Variants in MYCN observed in about 807,000 individuals in gnomAD.
MYCN encodes N-myc proto-oncogene protein.
MYCN carries 3 observed loss-of-function variants against 28.1 expected under a neutral mutation model. The ratio of observed to expected loss-of-function variants is 0.11; its 90% CI spans 0.05 to 0.28. The LOEUF (loss-of-function observed/expected upper bound fraction) is 0.28, where lower values mean the gene tolerates loss of function less well. Among genes scored for constraint, MYCN ranks in the 10% least tolerant of loss-of-function variants. The probability of loss-of-function intolerance (pLI) is 1.00; values close to 1 mark genes in which losing one functional copy is unlikely to be tolerated. For missense variants in MYCN, 572 were observed against 651.4 expected, an observed-to-expected ratio of 0.88 and a Z score of 1.33; for synonymous variants, 326 against 288.3, an observed-to-expected ratio of 1.13 and a Z score of -1.32.
intron 2 of MYCN, among the ~76,000 whole-genome samples, chr2:15,944,304 G>A (rs1043506287): frequency 6.6e-6 from 1 of 152,154 alleles, no homozygotes; most frequent in Non-Finnish European, 1.5e-5. Flanking sequence ...ACCCCAGCGT[G>A]GTAGTCAATG....
In MYCN at chr2:15,946,358, C is replaced by T. The variant is rs1662874348; in HGVS notation, c.*261C>T. The T allele has an allele frequency of 1.9e-6, 1 of 537,286 alleles. No individual in the cohort carries two copies. Among genetic ancestry groups the T allele is most frequent in the African/African-American group, 1.9e-5 (1 of 52,988 alleles). 33.3% of individuals were successfully genotyped at this position (537,286 alleles called of 1,614,324 possible). A position where few individuals can be genotyped will look rare whatever the true frequency, so the allele number is the denominator to read the frequency against. Reference sequence around the variant, plus strand: ...CTAAACGTTGGTGACGGTTGGGAGCCTCTGGGGCTGTTGAAGTCACCTTGT... The same window carrying T: ...CTAAACGTTGGTGACGGTTGGGAGCTTCTGGGGCTGTTGAAGTCACCTTGT... On this transcript the variant is annotated 3_prime_UTR_variant, in exon 3 of 3. Transcript: ENST00000281043.
At position 15,941,981 on chromosome 2, in the gene MYCN, G is replaced by A. The variant is rs981068491; in HGVS notation, c.-84G>A. The A allele has an allele frequency of 1.9e-6, 3 of 1,553,582 alleles. 1 individual carries two copies. The highest frequency in any genetic ancestry group is 2.6e-6 in the Non-Finnish European group (3 of 1,141,544). ...GTCGGCGCCGGCCCCCGCCTTCCGC[G>A]CCCCCCACGGGAAGGAAGCACCCCC... On this transcript the variant is annotated 5_prime_UTR_variant, in exon 2 of 3. Coordinates refer to ENST00000281043, the MANE Select transcript of MYCN (RefSeq NM_005378.6). This position sits in a 1 kb window ranked among gnomAD's most constrained non-coding sequence, Gnocchi z 4.8.
In MYCN at chr2:15,941,547, G is replaced by C. The variant is rs1572216038; in HGVS notation, c.-117-401G>C. 5.0e-6 allele frequency: 1 copy of C among 198,380 alleles called. No homozygotes were observed. Among genetic ancestry groups the C allele is most frequent in the South Asian group, 1.3e-4 (1 of 7,770 alleles). The allele number at this position is 198,380 out of a possible 1,614,324, so 12.3% of individuals were successfully genotyped here. On this transcript the variant is annotated intron_variant, in intron 1 of 2. Transcript: ENST00000281043. This position sits in a 1 kb window ranked among gnomAD's most constrained non-coding sequence, Gnocchi z 4.8. ...CTCCAAATACCATTCCCGGTAGCTG[G>C]GTCGGAGAGCCTGGGGCTTCCCCTG...
intron 2 of MYCN, among the ~76,000 whole-genome samples, chr2:15,944,701 A>G (rs557453685): frequency 6.6e-6 from 1 of 152,326 alleles, no homozygotes; most frequent in African/African-American, 2.4e-5. Context: ...TTTACTGAGC[A>G]TCTGTCTACT....
chr2:15,942,061 G>T lies in MYCN; in HGVS notation c.-4G>T, dbSNP rs534034023. ...CCCTCAGTCGCCGGCCGGGAGGCGA[G>T]CCGATGCCGAGCTGCTCCACGTCCA... On this transcript the variant is annotated 5_prime_UTR_variant, in exon 2 of 3. Coordinates refer to ENST00000281043, the MANE Select transcript of MYCN (RefSeq NM_005378.6). This position sits in a 1 kb window ranked among gnomAD's most constrained non-coding sequence, Gnocchi z 7.0. 1.9e-6 allele frequency: 3 copies of T among 1,613,524 alleles called. No homozygotes were observed. Among genetic ancestry groups the T allele is most frequent in the East Asian group, 4.5e-5 (2 of 44,862 alleles).
rs1662881655 is a variant in MYCN, at chr2:15,946,645, G to A, written c.*548G>A. 1 of 268,866 alleles carries A rather than the reference G, an allele frequency of 3.7e-6. No individual in the cohort carries two copies. The highest frequency in any genetic ancestry group is 4.7e-5 in the Admixed American group (1 of 21,294). The allele number at this position is 268,866 out of a possible 1,614,324, so 16.7% of individuals were successfully genotyped here. A position where few individuals can be genotyped will look rare whatever the true frequency, so the allele number is the denominator to read the frequency against. On this transcript the variant is annotated 3_prime_UTR_variant, in exon 3 of 3. Transcript: ENST00000281043. ...AGCATGTTTTGTATACAAATATATT[G>A]TTAATCTCTGTTATGTACTGTACTA...
Position 15,945,591 on chromosome 2 carries a change from T to C in MYCN, c.889T>C (p.Phe297Leu). 1 of 1,614,106 alleles carries C rather than the reference T, an allele frequency of 6.2e-7. No homozygotes were observed. Among genetic ancestry groups the C allele is most frequent in the Non-Finnish European group, 8.5e-7 (1 of 1,180,012 alleles). ...CTCCAACACCAAGGCTGTCACCACA[T>C]TCACCATCACTGTGCGTCCCAAGAA... is the stretch of plus-strand genomic sequence containing the variant. ...SSSNTKAVTT[F>L]TITVRPKNAA... is the part of the protein sequence containing the mutation. Residue 297 changes from phenylalanine to leucine, a missense_variant, in exon 3 of 3, where the codon TTC (phenylalanine) becomes CTC (leucine). Around this residue, in one of 3 missense-constraint regions of MYCN, gnomAD observed 499 missense variants for 524.3 expected, o/e 0.95. Transcript: ENST00000281043. The surrounding 1 kb of genome is among the most constrained non-coding windows in gnomAD (Gnocchi z 4.8).
Position 15,942,511 on chromosome 2 carries a change from C to G in MYCN, c.447C>G (p.Ser149=), listed in dbSNP as rs751900208. The change falls in exon 2 of 3, where the codon TCC becomes TCG. Residue 149 remains serine, a synonymous_variant. Transcript: ENST00000281043. The surrounding 1 kb of genome is among the most constrained non-coding windows in gnomAD (Gnocchi z 7.0). ...CAACCGCCGGTTCCACCGCCCAGTCCCCGGGAGCCGGCGCCGCCAGCCCTG... is the reference window on the plus strand; with the variant it reads ...CAACCGCCGGTTCCACCGCCCAGTCGCCGGGAGCCGGCGCCGCCAGCCCTG... ...GPPTAGSTAQ[S]PGAGAASPAG... 4 of 1,458,672 alleles carry G rather than the reference C, an allele frequency of 2.7e-6. No homozygotes were observed. The highest frequency in any genetic ancestry group is 3.6e-6 in the Non-Finnish European group (4 of 1,111,400). The allele number at this position is 1,458,672 out of a possible 1,614,324, so 90.4% of individuals were successfully genotyped here. A position where few individuals can be genotyped will look rare whatever the true frequency, so the allele number is the denominator to read the frequency against.
rs756825638 is a variant in MYCN at position 15,942,584 on chromosome 2, G to T, written c.520G>T (p.Ala174Ser). The change falls in exon 2 of 3, where the codon GCC becomes TCC. Residue 174 changes from alanine (A) to serine (S), a missense_variant. Physicochemically the swap from Ala to Ser is moderately conservative, Grantham distance 99. Transcript: ENST00000281043. The surrounding 1 kb of genome is among the most constrained non-coding windows in gnomAD (Gnocchi z 7.0). ...GAAGAGRAGA[A>S]LPAELAHPAA... ...TGCGGGAGCCGGCCGCGCCGGGGCC[G>T]CCCTGCCCGCCGAGCTCGCCCACCC... 3 of 1,067,048 alleles carry T rather than the reference G, an allele frequency of 2.8e-6. No individual in the cohort carries two copies. The highest frequency in any genetic ancestry group is 3.4e-6 in the Non-Finnish European group (3 of 885,108). 66.1% of individuals were successfully genotyped at this position (1,067,048 alleles called of 1,614,324 possible).
rs753519523 is a variant in MYCN, at chr2:15,945,707, C to G, written c.1005C>G (p.Pro335=). 1 of 1,614,104 alleles carries G rather than the reference C, an allele frequency of 6.2e-7. No homozygotes were observed. Among genetic ancestry groups the G allele is most frequent in the Non-Finnish European group, 8.5e-7 (1 of 1,179,950 alleles). ...ACCAGCAGCACAACTATGCCGCCCCCTCTCCCTACGTGGAGAGTGAGGATG... is the reference window on the plus strand; with the variant it reads ...ACCAGCAGCACAACTATGCCGCCCCGTCTCCCTACGTGGAGAGTGAGGATG... ...PIHQQHNYAA[P]SPYVESEDAP... is the part of the protein sequence containing the mutation. The change falls in exon 3 of 3, where the codon CCC becomes CCG. Residue 335 remains proline, a synonymous_variant. Transcript: ENST00000281043. The surrounding 1 kb of genome is among the most constrained non-coding windows in gnomAD (Gnocchi z 4.8).
rs1156300986 is a variant in MYCN at position 15,940,715 on chromosome 2, G to A, written c.-146G>A. 2.6e-5 allele frequency: 7 copies of A among 265,282 alleles called. No homozygotes were observed. Among genetic ancestry groups the A allele is most frequent in the Non-Finnish European group, 4.9e-5 (7 of 141,668 alleles). 16.4% of individuals were successfully genotyped at this position (265,282 alleles called of 1,614,324 possible). ...CACCCGGAGACACCCGCGCAGAATCGCCTCCGGATCCCCTGCAGTCGGCGG... is the reference window on the plus strand; with the variant it reads ...CACCCGGAGACACCCGCGCAGAATCACCTCCGGATCCCCTGCAGTCGGCGG... On this transcript the variant is annotated 5_prime_UTR_variant, in exon 1 of 3. Transcript: ENST00000281043.
chr2:15,944,242 A>C (rs1356172608), intron 2 of MYCN, among the ~76,000 whole-genome samples: 1 of 152,180 alleles, frequency 6.6e-6, no homozygotes, highest in Non-Finnish European at 1.5e-5. Flanking sequence ...CTTCAGATCA[A>C]GCAGAAGATA....
intron 1 of MYCN, 70 bp downstream of exon 1, chr2:15,940,813 G>C (rs1662623205): frequency 2.5e-6 from 1 of 398,238 alleles, no homozygotes; most frequent in Admixed American, 4.4e-5. Context: ...GGCAAGCCCT[G>C]GACGGGATTG....
intron 2 of MYCN, among the ~76,000 whole-genome samples, chr2:15,943,391 C>G (rs1359829017): frequency 1.9e-5 from 2 of 107,162 alleles, no homozygotes; most frequent in African/African-American, 8.8e-5. Flanking sequence ...ATTTTCTATT[C>G]TTTTTCTTTT....
chr2:15,941,009 C>T lies in MYCN; in HGVS notation c.-118+266C>T. 2.8e-6 allele frequency: 1 copy of T among 357,096 alleles called. No homozygotes were observed. Among genetic ancestry groups the T allele is most frequent in the Non-Finnish European group, 5.0e-6 (1 of 200,602 alleles). 22.1% of individuals were successfully genotyped at this position (357,096 alleles called of 1,614,324 possible). A position where few individuals can be genotyped will look rare whatever the true frequency, so the allele number is the denominator to read the frequency against. On this transcript the variant is annotated intron_variant, in intron 1 of 2. Coordinates refer to ENST00000281043, the MANE Select transcript of MYCN (RefSeq NM_005378.6). The surrounding 1 kb of genome is among the most constrained non-coding windows in gnomAD (Gnocchi z 4.8). Reference sequence around the variant, plus strand: ...AATGGCTTCTGCGAAAAGAAATTCCCTCGGCTCTAGAAGATCTGTCTGTGT... The same window carrying T: ...AATGGCTTCTGCGAAAAGAAATTCCTTCGGCTCTAGAAGATCTGTCTGTGT...
In MYCN at chr2:15,941,567, C is replaced by T. The variant is rs891016344; in HGVS notation, c.-117-381C>T. ...AGCTGGGTCGGAGAGCCTGGGGCTT[C>T]CCCTGAGCAGCCGGCCCCACACCGC... On this transcript the variant is annotated intron_variant, in intron 1 of 2. Coordinates refer to ENST00000281043, the MANE Select transcript of MYCN (RefSeq NM_005378.6). This position sits in a 1 kb window ranked among gnomAD's most constrained non-coding sequence, Gnocchi z 4.8. The T allele has an allele frequency of 4.8e-6, 1 of 208,258 alleles. No individual in the cohort carries two copies. Among genetic ancestry groups the T allele is most frequent in the Non-Finnish European group, 9.9e-6 (1 of 101,358 alleles). 12.9% of individuals were successfully genotyped at this position (208,258 alleles called of 1,614,324 possible).
At chr2:15,943,237 A>G (rs995234896) in intron 2 of MYCN, among the ~76,000 whole-genome samples, 9 of 152,114 alleles carry the variant, frequency 5.9e-5, no homozygotes, top group African/African-American at 2.2e-4. Flanking sequence ...CTGCCTGGAC[A>G]GAAACCTGTT....
At position 15,946,332 on chromosome 2, in the gene MYCN, G is replaced by A. The variant is rs374300561; in HGVS notation, c.*235G>A. ...TCCTCCACCTCACCTCCATGACAGC[G>A]CTAAACGTTGGTGACGGTTGGGAGC... On this transcript the variant is annotated 3_prime_UTR_variant, in exon 3 of 3. Transcript: ENST00000281043. 17 of 588,682 alleles carry A rather than the reference G, an allele frequency of 2.9e-5. No individual in the cohort carries two copies. The highest frequency in any genetic ancestry group is 2.7e-4 in the East Asian group (9 of 33,814). 36.5% of individuals were successfully genotyped at this position (588,682 alleles called of 1,614,324 possible). A position where few individuals can be genotyped will look rare whatever the true frequency, so the allele number is the denominator to read the frequency against.
rs777840849 is a variant in MYCN at position 15,945,816 on chromosome 2, C to G, written c.1114C>G (p.Pro372Ala). ...CCCCCCAAAGGCTAAGAGCTTGAGC[C>G]CCCGAAACTCTGACTCGGAGGACAG... Reference protein sequence around the residue: ...VIPPKAKSLSPRNSDSEDSER... With the variant: ...VIPPKAKSLSARNSDSEDSER... Residue 372 changes from proline (P) to alanine (A), a missense_variant, in exon 3 of 3, where the codon CCC (proline) becomes GCC (alanine). Pro to Ala is a conservative substitution (Grantham distance 27, BLOSUM62 -1). Around this residue, in one of 3 missense-constraint regions of MYCN, gnomAD observed 12 missense variants for 45.5 expected, o/e 0.26. Transcript: ENST00000281043. This position sits in a 1 kb window ranked among gnomAD's most constrained non-coding sequence, Gnocchi z 4.8. The G allele has an allele frequency of 6.2e-7, 1 of 1,614,020 alleles. No homozygotes were observed. Among genetic ancestry groups the G allele is most frequent in the Non-Finnish European group, 8.5e-7 (1 of 1,180,038 alleles).
Sources: allele counts gnomAD v4.1 joint callset (sites outside exome capture counted in the v4.1 genomes callset), GRCh38; gene constraint gnomAD v4.1.1; regional missense constraint gnomAD v4.1.1; non-coding constraint Gnocchi (gnomAD v3.1); transcripts MANE v1.5; gene names NCBI Gene and HGNC (gene_info 2026-07-23, HGNC 2026-07-21).